The following PRELID2 variants were observed in gnomAD, a reference collection of about 807,000 sequenced individuals.
The protein encoded by PRELID2 is PRELI domain-containing protein 2.
PRELID2 carries 25 observed loss-of-function variants against 28.4 expected under a neutral mutation model. That is an observed-to-expected ratio of 0.88 (90% confidence interval 0.64 to 1.23). The LOEUF (loss-of-function observed/expected upper bound fraction) is 1.23. Among genes scored for constraint, PRELID2 ranks in the 50% most tolerant of loss-of-function variants. The pLI is 0.00. For missense variants in PRELID2, 201 were observed against 214.4 expected, an observed-to-expected ratio of 0.94 and a Z score of 0.39; for synonymous variants, 76 against 71.6, an observed-to-expected ratio of 1.06 and a Z score of -0.31.
At chr5:145,828,875 G>T (rs1031778807) in intron 1 of PRELID2, among the ~76,000 whole-genome samples, 175 of 89,108 alleles carry the variant, frequency 2.0e-3, no homozygotes, top group Middle Eastern at 0.014. Flanking sequence ...GTCTCACTTT[G>T]TCATCCACGC....
At chr5:145,572,465 C>A (rs991952193) in intron 1 of PRELID2, among the ~76,000 whole-genome samples, 1 of 152,016 alleles carries the variant, frequency 6.6e-6, no homozygotes, top group Non-Finnish European at 1.5e-5. Context: ...TTAAGGATTA[C>A]CTAAATTAAT....
chr5:145,771,442 G>A (rs982431069), intron 5 of PRELID2, among the ~76,000 whole-genome samples: 1 of 151,986 alleles, frequency 6.6e-6, no homozygotes, highest in South Asian at 2.1e-4. Flanking sequence ...AATGTTGCAG[G>A]AAGGAAGGAC....
At chr5:145,431,838 C>T in the PRELID2 span, among the ~76,000 whole-genome samples, 1 of 152,120 alleles carries the variant, frequency 6.6e-6, no homozygotes, top group African/African-American at 2.4e-5. Context: ...GATGTCATAT[C>T]TATCTTAGAG....
At position 145,677,312 on chromosome 5, in the gene PRELID2, G is replaced by A. The variant is rs551497694; in HGVS notation, n.70+87619C>T. The stretch of plus-strand genomic sequence containing the variant: ...TGGGACTACTGCCGTGTGCCACCAC[G>A]CCCAGCTAATTTTTGTATTTTTAGT... On this transcript the variant is annotated intron_variant and non_coding_transcript_variant, in intron 1 of 2. Coordinates refer to the PRELID2 transcript ENST00000510259. Among the ~76,000 whole-genome samples the A allele has an allele frequency of 8.6e-5, 13 of 151,754 alleles. No individual in the cohort carries two copies. In the South Asian group the frequency reaches 1.9e-3, roughly 22 times the overall value.
At chr5:145,614,300 G>A (rs533066848) in intron 1 of PRELID2, among the ~76,000 whole-genome samples, 37 of 152,182 alleles carry the variant, frequency 2.4e-4, no homozygotes, top group South Asian at 1.2e-3. Context: ...TTGGCTATGC[G>A]GACTCCTTTT....
At chr5:145,445,672 A>G in the PRELID2 span, among the ~76,000 whole-genome samples, 1 of 151,992 alleles carries the variant, frequency 6.6e-6, no homozygotes, top group Admixed American at 6.6e-5. Context: ...GCAACTCAAC[A>G]GCAAAAAAAT....
At chr5:145,804,849 C>A (rs1753389714) in intron 4 of PRELID2, among the ~76,000 whole-genome samples, 1 of 152,110 alleles carries the variant, frequency 6.6e-6, no homozygotes, top group Admixed American at 6.6e-5. Flanking sequence ...TCAAATTACA[C>A]AATGGTTTGT....
the PRELID2 span, among the ~76,000 whole-genome samples, chr5:145,418,797 T>C: frequency 6.6e-6 from 1 of 151,890 alleles, no homozygotes; most frequent in African/African-American, 2.4e-5. Flanking sequence ...GTTACATATG[T>C]ATACATGTGC....
At chr5:145,405,699 G>GTTTTTTTTTTTTTTTTTTTTT in the PRELID2 span, among the ~76,000 whole-genome samples, 6 of 45,992 alleles carry the variant, frequency 1.3e-4, 1 homozygote, top group Non-Finnish European at 1.4e-4. Flanking sequence ...GTACCACATA[G>GTTTTTTTTTTTTTTTTTTTTT]TTGTTTTTTT....
chr5:145,614,550 T>C (rs904476441), intron 1 of PRELID2, among the ~76,000 whole-genome samples: 3 of 151,370 alleles, frequency 2.0e-5, no homozygotes, highest in Non-Finnish European at 4.4e-5. Context: ...TGGTTAGGGG[T>C]ATTCCTAAGT....
At chr5:145,665,986 T>TTA (rs533493462) in intron 1 of PRELID2, among the ~76,000 whole-genome samples, 203 of 138,230 alleles carry the variant, frequency 1.5e-3, no homozygotes, top group African/African-American at 5.1e-3. Flanking sequence ...GTCTTTTTTT[T>TTA]AAAAAAAAAA....
At chr5:145,412,015 C>A in the PRELID2 span, among the ~76,000 whole-genome samples, 4 of 152,200 alleles carry the variant, frequency 2.6e-5, no homozygotes, top group African/African-American at 9.6e-5. Flanking sequence ...CTGCACACAG[C>A]AGGGGGTCCC....
chr5:145,487,857 G>T (rs1022972976), intron 1 of PRELID2, among the ~76,000 whole-genome samples: 4 of 151,906 alleles, frequency 2.6e-5, no homozygotes, highest in African/African-American at 7.2e-5. Flanking sequence ...CGGGCGCGTG[G>T]CTCATGCCTG....
At chr5:145,726,164 A>G in intron 1 of PRELID2, among the ~76,000 whole-genome samples, 1 of 149,270 alleles carries the variant, frequency 6.7e-6, no homozygotes, top group Middle Eastern at 3.2e-3. Flanking sequence ...GCAAGACACT[A>G]TCTCAGAAAA....
chr5:145,646,141 C>T (rs934289034), intron 1 of PRELID2, among the ~76,000 whole-genome samples: 4 of 152,150 alleles, frequency 2.6e-5, no homozygotes, highest in African/African-American at 9.7e-5. Context: ...CAACTTGGTT[C>T]CATACTCCCA....
At chr5:145,424,585 C>T in the PRELID2 span, among the ~76,000 whole-genome samples, 62,359 of 152,038 alleles carry the variant, frequency 0.41, 13,173 homozygotes, top group Admixed American at 0.48. Context: ...ATGCCTCACC[C>T]TGCTTCGGCT....
chr5:145,784,885 G>A (rs1316832636), intron 5 of PRELID2, among the ~76,000 whole-genome samples: 1 of 151,066 alleles, frequency 6.6e-6, no homozygotes, highest in Non-Finnish European at 1.5e-5. Flanking sequence ...TGAATACACT[G>A]AGTATTAGAA....
chr5:145,415,447 C>A, the PRELID2 span, among the ~76,000 whole-genome samples: 1 of 141,430 alleles, frequency 7.1e-6, no homozygotes, highest in East Asian at 2.1e-4. Flanking sequence ...CACCCCACAA[C>A]AGTCCCCAGA....
At chr5:145,535,291 T>C (rs2126665776) in intron 1 of PRELID2, among the ~76,000 whole-genome samples, 1 of 152,032 alleles carries the variant, frequency 6.6e-6, no homozygotes, top group Non-Finnish European at 1.5e-5. Flanking sequence ...TCCCACAAAA[T>C]AGATATTTTT....
Sources: allele counts gnomAD v4.1 joint callset (sites outside exome capture counted in the v4.1 genomes callset), GRCh38; gene constraint gnomAD v4.1.1; transcripts MANE v1.5; gene names NCBI Gene and HGNC (gene_info 2026-07-23, HGNC 2026-07-21).